ZFHX3: variants seen among roughly 807,000 people sequenced by gnomAD.
ZFHX3 encodes zinc finger homeobox protein 3.
ZFHX3 carries 42 observed loss-of-function variants against 279.1 expected under a neutral mutation model. The observed-to-expected ratio is 0.15, with a 90% CI of 0.12 to 0.19. ZFHX3 has a LOEUF of 0.19. ZFHX3 is among the 10% of genes least tolerant of loss of function. The probability of loss-of-function intolerance (pLI) is 1.00; values close to 1 mark genes in which losing one functional copy is unlikely to be tolerated. For missense variants in ZFHX3, 4,981 were observed against 4,754.0 expected (o/e 1.05, Z -1.40); for synonymous variants, 2,293 against 1,957.8 (o/e 1.17, Z -4.52).
At chr16:73,456,768 T>C (rs2018379791) in intron 2 of ZFHX3, among the ~76,000 whole-genome samples, 4 of 152,224 alleles carry the variant, frequency 2.6e-5, no homozygotes, top group Admixed American at 1.3e-4. Context: ...ATGGAAAAGA[T>C]TTAATCAAGC....
intron 1 of ZFHX3, among the ~76,000 whole-genome samples, chr16:73,713,644 A>G (rs998703139): frequency 1.3e-5 from 2 of 148,414 alleles, no homozygotes; most frequent in African/African-American, 2.5e-5. Context: ...TTTTTTTTTT[A>G]TACTCTAGTA....
At chr16:72,813,589 T>C (rs1034920413) in intron 5 of ZFHX3, among the ~76,000 whole-genome samples, 1 of 152,186 alleles carries the variant, frequency 6.6e-6, no homozygotes, top group Non-Finnish European at 1.5e-5. Context: ...TTGTAGGACA[T>C]CTATTATTTA....
At chr16:73,836,154 T>TTGTC (rs1961139592) in intron 1 of ZFHX3, among the ~76,000 whole-genome samples, 1 of 152,154 alleles carries the variant, frequency 6.6e-6, no homozygotes, top group Admixed American at 6.5e-5. Context: ...TTTAAGTAGG[T>TTGTC]TGTCTTCAGT....
chr16:73,389,174 A>G (rs1212850992), intron 3 of ZFHX3: 1 of 152,224 alleles, frequency 6.6e-6, no homozygotes, highest in African/African-American at 2.4e-5. Context: ...AGCATCCTCC[A>G]AAGCAGGCAG....
intron 1 of ZFHX3, among the ~76,000 whole-genome samples, chr16:73,000,717 C>A (rs1383547596): frequency 6.6e-6 from 1 of 152,190 alleles, no homozygotes; most frequent in Non-Finnish European, 1.5e-5. Flanking sequence ...AGACATGCCA[C>A]ACCCAGCAGA....
chr16:73,032,396 C>T (rs1255226530), intron 1 of ZFHX3, among the ~76,000 whole-genome samples: 1 of 152,110 alleles, frequency 6.6e-6, no homozygotes, highest in Non-Finnish European at 1.5e-5. Context: ...GCATCCATTC[C>T]TAACTACCCT....
intron 1 of ZFHX3, among the ~76,000 whole-genome samples, chr16:73,847,884 C>T (rs540571065): frequency 4.1e-5 from 6 of 146,926 alleles, no homozygotes; most frequent in Middle Eastern, 3.6e-3. Context: ...AGTACGGGCA[C>T]GTGCCACTAT....
chr16:73,354,695 C>G (rs908577090), intron 3 of ZFHX3, among the ~76,000 whole-genome samples: 1 of 99,384 alleles, frequency 1.0e-5, no homozygotes, highest in Non-Finnish European at 2.0e-5. Flanking sequence ...CCAGAGACAG[C>G]GACCTCATCC....
intron 5 of ZFHX3, among the ~76,000 whole-genome samples, chr16:73,197,244 C>A (rs1042866059): frequency 3.3e-5 from 5 of 152,182 alleles, no homozygotes; most frequent in Non-Finnish European, 7.3e-5. Flanking sequence ...CAATTCATTA[C>A]TGTGGTTACA....
At position 73,109,303 on chromosome 16, in the gene ZFHX3, A is replaced by G. The variant is rs1033890758; in HGVS notation, c.-896-15705T>C. Among the ~76,000 whole-genome samples the G allele has an allele frequency of 1.2e-4, 18 of 152,196 alleles. No homozygotes were observed. The South Asian group carries it at 1.7e-3, about 14-fold the overall frequency. On this transcript the variant is annotated intron_variant, in intron 7 of 17. Transcript: ENST00000641206. ...TTGTTCTGTAAATTGCTTTTTTTTC[A>G]CCCAACAGTCCATCTCAGACACCCT... is the stretch of plus-strand genomic sequence containing the variant.
At chr16:73,801,302 A>G (rs1335832511) in intron 1 of ZFHX3, among the ~76,000 whole-genome samples, 1 of 152,192 alleles carries the variant, frequency 6.6e-6, no homozygotes, top group Non-Finnish European at 1.5e-5. Flanking sequence ...ACAAATATTT[A>G]TTGAGCCCCT....
chr16:73,882,142 A>G (rs1314447219), intron 1 of ZFHX3, among the ~76,000 whole-genome samples: 1 of 152,060 alleles, frequency 6.6e-6, no homozygotes, highest in East Asian at 1.9e-4. Context: ...GTTCCCCCCA[A>G]ACTGATCAAT....
chr16:73,462,537 A>G (rs949231585), intron 2 of ZFHX3, among the ~76,000 whole-genome samples: 1 of 152,146 alleles, frequency 6.6e-6, no homozygotes, highest in African/African-American at 2.4e-5. Context: ...TAAGTATAAC[A>G]CTAGCTGTAG....
At chr16:73,713,002 C>T (rs2053379428) in intron 1 of ZFHX3, among the ~76,000 whole-genome samples, 1 of 152,162 alleles carries the variant, frequency 6.6e-6, no homozygotes, top group South Asian at 2.1e-4. Context: ...AGCTGGCCCA[C>T]CAGCCTGGTA....
rs543965616 is a variant in ZFHX3 at position 73,164,269 on chromosome 16, G to A, written c.-1103-20438C>T. ...GGGTTGACTGTGGGTCTGGATATAA[G>A]GCTATGTTTAAATCCTGCAAAGCAA... On this transcript the variant is annotated intron_variant, in intron 5 of 17. Coordinates refer to the ZFHX3 transcript ENST00000641206. Among the ~76,000 whole-genome samples the A allele has an allele frequency of 5.3e-5, 8 of 152,338 alleles. No homozygotes were observed. The South Asian group carries it at 6.2e-4, about 12-fold the overall frequency.
intron 1 of ZFHX3, among the ~76,000 whole-genome samples, chr16:73,690,498 C>T (rs1484277041): frequency 6.6e-6 from 1 of 152,192 alleles, no homozygotes; most frequent in African/African-American, 2.4e-5. Flanking sequence ...CTATCTTTCA[C>T]ACTGTGGCAA....
At position 72,797,366 on chromosome 16, in the gene ZFHX3, A is replaced by T; in HGVS notation, c.5316T>A (p.Phe1772Leu). Residue 1772 changes from phenylalanine (F) to leucine (L), a missense_variant, in exon 9 of 10, where the codon TTT (phenylalanine) becomes TTA (leucine). By Grantham distance (22) the Phe-to-Leu change is conservative. Around this residue, in one of 7 missense-constraint regions of ZFHX3, gnomAD observed 1,751 missense variants for 1,770.0 expected, o/e 0.99. Coordinates refer to ENST00000268489, the MANE Select transcript of ZFHX3 (RefSeq NM_006885.4). Reference protein sequence around the residue: ...QQAALIQSQLFNPTLLPHFPM... With the variant: ...QQAALIQSQLLNPTLLPHFPM... ...GGAAGTGAGGAAGGAGGGTGGGGTT[A>T]AACAGCTGAGACTGGATCAGGGCAG... is the stretch of plus-strand genomic sequence containing the variant. 1 of 1,601,492 alleles carries T rather than the reference A, an allele frequency of 6.2e-7. No individual in the cohort carries two copies. Among genetic ancestry groups the T allele is most frequent in the Non-Finnish European group, 8.5e-7 (1 of 1,173,712 alleles).
chr16:73,397,081 C>G (rs1431954481), intron 3 of ZFHX3, among the ~76,000 whole-genome samples: 1 of 152,198 alleles, frequency 6.6e-6, no homozygotes, highest in Non-Finnish European at 1.5e-5. Flanking sequence ...TCCAGCTGCT[C>G]TATTTGGGGA....
At chr16:73,682,906 G>GAAAGAAAGAAAGAAAGAAAGAGAA (rs1323501382) in intron 1 of ZFHX3, among the ~76,000 whole-genome samples, 19 of 28,710 alleles carry the variant, frequency 6.6e-4, no homozygotes, top group African/African-American at 1.4e-3. Flanking sequence ...AAGAAAGAAA[G>GAAAGAAAGAAAGAAAGAAAGAGAA]AGAAAGAAAG....
Sources: gnomAD v4.1 joint callset for allele counts (sites outside exome capture counted in the v4.1 genomes callset) on GRCh38, gnomAD v4.1.1 for gene constraint, gnomAD v4.1.1 regional missense constraint, MANE v1.5 for transcripts, NCBI Gene and HGNC (gene_info 2026-07-23, HGNC 2026-07-21) for gene names.